The following RAB11FIP5 variants were observed in gnomAD, a reference collection of about 807,000 sequenced individuals.
The protein encoded by RAB11FIP5 is rab11 family-interacting protein 5.
A neutral mutation model predicts 85.1 loss-of-function variants in RAB11FIP5; 48 were observed. That is an observed-to-expected ratio of 0.56 (90% confidence interval 0.45 to 0.72). RAB11FIP5 has a LOEUF of 0.72. RAB11FIP5 is among the 30% of genes least tolerant of loss of function. The probability of loss-of-function intolerance (pLI) is 0.00; values close to 1 mark genes in which losing one functional copy is unlikely to be tolerated. For synonymous variants in RAB11FIP5, 729 were observed against 727.3 expected, an observed-to-expected ratio of 1.00 and a Z score of -0.04; for missense variants, 1,491 against 1,687.0, an observed-to-expected ratio of 0.88 and a Z score of 2.04.
In RAB11FIP5 at chr2:73,078,530, C is replaced by T. The variant is rs1451162736; in HGVS notation, c.3581+1121G>A. Among the ~76,000 whole-genome samples the T allele has an allele frequency of 6.6e-6, 1 of 152,158 alleles. No individual in the cohort carries two copies. Among genetic ancestry groups the T allele is most frequent in the Non-Finnish European group, 1.5e-5 (1 of 68,026 alleles). ...GGGACACTGGGGGCAGCCTGGACTC[C>T]CTCCCACCCACTTCCCATATGTAGT... is the stretch of plus-strand genomic sequence containing the variant. On this transcript the variant is annotated intron_variant, in intron 4 of 5. Coordinates refer to ENST00000486777, the MANE Select transcript of RAB11FIP5 (RefSeq NM_001371272.1). The surrounding 1 kb of genome is among the most constrained non-coding windows in gnomAD (Gnocchi z 4.4).
In RAB11FIP5 at chr2:73,088,198, G is replaced by T; in HGVS notation, c.1420C>A (p.Arg474=). 1.9e-6 allele frequency: 3 copies of T among 1,613,932 alleles called. No individual in the cohort carries two copies. Among genetic ancestry groups the T allele is most frequent in the Non-Finnish European group, 2.5e-6 (3 of 1,180,016 alleles). The part of the protein sequence containing the change: ...LFHHHHQGLS[R]SELGRRSSLG... The stretch of plus-strand genomic sequence containing the variant: ...GAGCTTCGGCGACCCAACTCGCTCC[G>T]ACTTAGGCCTTGGTGGTGGTGGTGG... The change falls in exon 3 of 6, where the codon CGG becomes AGG. Residue 474 remains arginine, a synonymous_variant. Transcript: ENST00000486777.
Position 73,080,857 on chromosome 2 carries a change from G to A in RAB11FIP5, c.2375C>T (p.Pro792Leu), listed in dbSNP as rs1377705960. Residue 792 changes from proline (P) to leucine (L), a missense_variant, in exon 4 of 6, where the codon CCA becomes CTA. Pro to Leu is a moderately conservative substitution (Grantham distance 98). Around this residue, in one of 3 missense-constraint regions of RAB11FIP5, gnomAD observed 1,211 missense variants for 1,338.0 expected, o/e 0.91. Transcript: ENST00000486777. ...ADSGTSLFSSPEVISVWERLP... is the reference protein window; with the variant it reads ...ADSGTSLFSSLEVISVWERLP... The stretch of plus-strand genomic sequence containing the variant: ...CCTCTCCCACACACTGATCACTTCT[G>A]GGGAGCTAAATAGAGATGTCCCACT... 1.5e-5 allele frequency: 18 copies of A among 1,232,248 alleles called. No homozygotes were observed. Among genetic ancestry groups the A allele is most frequent in the Non-Finnish European group, 1.7e-5 (17 of 988,166 alleles). The allele number at this position is 1,232,248 out of a possible 1,614,324, so 76.3% of individuals were successfully genotyped here.
chr2:73,093,255 C>G (rs572707061), intron 1 of RAB11FIP5, among the ~76,000 whole-genome samples: 1 of 152,322 alleles, frequency 6.6e-6, no homozygotes, highest in East Asian at 1.9e-4. Flanking sequence ...GTTCAAGTCC[C>G]ACTCCTCTGG....
intron 1 of RAB11FIP5, among the ~76,000 whole-genome samples, chr2:73,091,203 TG>T (rs893481159): frequency 6.6e-6 from 1 of 152,168 alleles, no homozygotes; most frequent in African/African-American, 2.4e-5. Context: ...GACAGACACA[TG>T]CCAACAGATA....
At chr2:73,097,346 C>T (rs1209784405) in intron 1 of RAB11FIP5, among the ~76,000 whole-genome samples, 1 of 152,202 alleles carries the variant, frequency 6.6e-6, no homozygotes, top group Non-Finnish European at 1.5e-5. Flanking sequence ...CCCCCTCACC[C>T]TCTTTCATCA....
chr2:73,101,989 G>A (rs1684438784), intron 1 of RAB11FIP5, among the ~76,000 whole-genome samples: 2 of 152,178 alleles, frequency 1.3e-5, no homozygotes. Context: ...AACGGAAGAT[G>A]GTGACTGACA....
In RAB11FIP5 at chr2:73,080,613, C is replaced by G; in HGVS notation, c.2619G>C (p.Lys873Asn). The G allele has an allele frequency of 8.1e-7, 1 of 1,232,366 alleles. No homozygotes were observed. The highest frequency in any genetic ancestry group is 1.0e-6 in the Non-Finnish European group (1 of 988,048). 76.3% of individuals were successfully genotyped at this position (1,232,366 alleles called of 1,614,324 possible). A position where few individuals can be genotyped will look rare whatever the true frequency, so the allele number is the denominator to read the frequency against. The change falls in exon 4 of 6, where the codon AAG (lysine) becomes AAC (asparagine). Residue 873 changes from lysine (K) to asparagine (N), a missense_variant. Lys to Asn is a moderately conservative substitution (Grantham distance 94). Around this residue, in one of 3 missense-constraint regions of RAB11FIP5, gnomAD observed 1,211 missense variants for 1,338.0 expected, o/e 0.91. Transcript: ENST00000486777. ...QPESPETVSP[K>N]GSEGLPPPEP... ...CCGGTGGGGGAAGCCCCTCGCTCCC[C>G]TTGGGGCTCACAGTTTCTGGTGATT...
At chr2:73,096,761 G>A (rs1684327067) in intron 1 of RAB11FIP5, among the ~76,000 whole-genome samples, 2 of 152,154 alleles carry the variant, frequency 1.3e-5, no homozygotes, top group Admixed American at 1.3e-4. Context: ...TGAAGTGGGA[G>A]CTCAGCACGC....
Position 73,101,748 on chromosome 2 carries a change from C to G in RAB11FIP5, c.431+10599G>C, listed in dbSNP as rs542900219. Among the ~76,000 whole-genome samples, 23 of 152,298 alleles carry G rather than the reference C, an allele frequency of 1.5e-4. No homozygotes were observed. In the South Asian group the frequency reaches 4.6e-3, roughly 30 times the overall value. The stretch of plus-strand genomic sequence containing the variant: ...ACCTGTGAACTCATCAGCCCACCCG[C>G]TCACCACCGCACAGGGGCTGACAGC... On this transcript the variant is annotated intron_variant, in intron 1 of 5. Transcript: ENST00000486777.
Position 73,088,146 on chromosome 2 carries a change from A to C in RAB11FIP5, c.1472T>G (p.Leu491Arg), listed in dbSNP as rs780273439. 3 of 1,614,060 alleles carry C rather than the reference A, an allele frequency of 1.9e-6. No individual in the cohort carries two copies. The South Asian group carries it at 3.3e-5, about 18-fold the overall frequency. The change falls in exon 3 of 6, where the codon CTG (leucine) becomes CGG (arginine). Residue 491 changes from leucine to arginine, a missense_variant. Around this residue, in one of 3 missense-constraint regions of RAB11FIP5, gnomAD observed 1,211 missense variants for 1,338.0 expected, o/e 0.91. Coordinates refer to ENST00000486777, the MANE Select transcript of RAB11FIP5 (RefSeq NM_001371272.1). Reference protein sequence around the residue: ...SSLGEKGGPILGASPHHSSSG... With the variant: ...SSLGEKGGPIRGASPHHSSSG... The stretch of plus-strand genomic sequence containing the variant: ...GGATGAGTGATGTGGGGAGGCCCCC[A>C]GGATGGGACCCCCCTTTTCCCCCAG...
chr2:73,092,691 C>T (rs1684241115), intron 1 of RAB11FIP5, among the ~76,000 whole-genome samples: 1 of 152,170 alleles, frequency 6.6e-6, no homozygotes, highest in African/African-American at 2.4e-5. Context: ...TTGGGTTTCT[C>T]CCTGGACTTG....
chr2:73,108,275 C>T (rs1684569233), intron 1 of RAB11FIP5, among the ~76,000 whole-genome samples: 1 of 152,216 alleles, frequency 6.6e-6, no homozygotes, highest in Non-Finnish European at 1.5e-5. Context: ...GAACCCACAG[C>T]CTTTGCTTTC....
intron 3 of RAB11FIP5, among the ~76,000 whole-genome samples, chr2:73,082,089 G>A (rs1574294380): frequency 6.9e-6 from 1 of 145,412 alleles, no homozygotes; most frequent in African/African-American, 2.6e-5. Flanking sequence ...AGGCTGGAGT[G>A]CAGTGGCGCG....
intron 1 of RAB11FIP5, among the ~76,000 whole-genome samples, chr2:73,090,023 A>C (rs552332711): frequency 6.6e-6 from 1 of 152,286 alleles, no homozygotes; most frequent in East Asian, 1.9e-4. Context: ...AAGAGCGCTC[A>C]TATCTGTTGA....
chr2:73,097,530 A>C (rs1684345579), intron 1 of RAB11FIP5, among the ~76,000 whole-genome samples: 1 of 152,212 alleles, frequency 6.6e-6, no homozygotes, highest in South Asian at 2.1e-4. Flanking sequence ...AACAGTGGAC[A>C]CTCAAATATT....
rs1684679413 is a variant in RAB11FIP5, at chr2:73,112,400, C to T, written c.378G>A (p.Gln126=). 16 of 1,601,870 alleles carry T rather than the reference C, an allele frequency of 1.0e-5. No individual in the cohort carries two copies. Among genetic ancestry groups the T allele is most frequent in the African/African-American group, 2.7e-5 (2 of 73,852 alleles). Residue 126 remains glutamine (Q), a synonymous_variant, in exon 1 of 6, where the codon CAG becomes CAA. Coordinates refer to ENST00000486777, the MANE Select transcript of RAB11FIP5 (RefSeq NM_001371272.1). ...SLIGVDKFLG[Q]ATVALDEVFG... ...AGACCTCGTCCAGCGCCACCGTGGC[C>T]TGGCCCAGGAACTTGTCGACGCCGA...
rs527618846 is a variant in RAB11FIP5, at chr2:73,073,454, A to G, written c.*2067T>C. ...GAACAAGCTCTTTATAAAGAGCCTT[A>G]ACTAGGAAGACAAACAGCAAAGCAG... On this transcript the variant is annotated 3_prime_UTR_variant, in exon 6 of 6. Transcript: ENST00000486777. The G allele has an allele frequency of 6.5e-6, 1 of 152,818 alleles. No homozygotes were observed. The highest frequency in any genetic ancestry group is 1.9e-4 in the East Asian group (1 of 5,186). 9.5% of individuals were successfully genotyped at this position (152,818 alleles called of 1,614,324 possible).
At position 73,081,457 on chromosome 2, in the gene RAB11FIP5, A is replaced by G. The variant is rs1013312556; in HGVS notation, c.1775T>C (p.Leu592Ser). ...TAAPEATPPG[L>S]LGLTNPFLTS... Reference sequence around the variant, plus strand: ...GAGGAACGGGTTGGTAAGACCCAATAATCCAGGTGGGGTGGCTTCAGGGGC... The same window carrying G: ...GAGGAACGGGTTGGTAAGACCCAATGATCCAGGTGGGGTGGCTTCAGGGGC... The change falls in exon 4 of 6, where the codon TTA (leucine) becomes TCA (serine). Residue 592 changes from leucine to serine, a missense_variant. Leu to Ser is a moderately radical substitution (Grantham distance 145). Coordinates refer to ENST00000486777, the MANE Select transcript of RAB11FIP5 (RefSeq NM_001371272.1). The surrounding 1 kb of genome is among the most constrained non-coding windows in gnomAD (Gnocchi z 4.2). 8.1e-7 allele frequency: 1 copy of G among 1,233,638 alleles called. No individual in the cohort carries two copies. Among genetic ancestry groups the G allele is most frequent in the Non-Finnish European group, 1.0e-6 (1 of 988,894 alleles). The allele number at this position is 1,233,638 out of a possible 1,614,324, so 76.4% of individuals were successfully genotyped here.
At position 73,089,229 on chromosome 2, in the gene RAB11FIP5, AG is replaced by A; in HGVS notation, c.517del (p.Leu173Ter). 1 of 1,614,114 alleles carries A rather than the reference AG, an allele frequency of 6.2e-7. No homozygotes were observed. Among genetic ancestry groups the A allele is most frequent in the Non-Finnish European group, 8.5e-7 (1 of 1,180,008 alleles). On this transcript the variant is annotated frameshift_variant, in exon 2 of 6. Coordinates refer to ENST00000486777, the MANE Select transcript of RAB11FIP5 (RefSeq NM_001371272.1). LOFTEE classifies it high-confidence loss of function. This position sits in a 1 kb window ranked among gnomAD's most constrained non-coding sequence, Gnocchi z 4.6. ...EVTIQFTRNN[L>X]SASMFDLSMK... ...GGACAGGTCAAACATACTGGCGCTC[AG>A]GTTGTTGCGCGTGAACTGGATGGTG...
Sources: allele counts gnomAD v4.1 joint callset (sites outside exome capture counted in the v4.1 genomes callset), GRCh38; gene constraint gnomAD v4.1.1; regional missense constraint gnomAD v4.1.1; non-coding constraint Gnocchi (gnomAD v3.1); transcripts MANE v1.5; gene names NCBI Gene and HGNC (gene_info 2026-07-23, HGNC 2026-07-21).